TUT4: variants seen among roughly 807,000 people sequenced by gnomAD.
TUT4 encodes the protein terminal uridylyl transferase 4.
A neutral mutation model predicts 192.2 loss-of-function variants in TUT4; 36 were observed. That is an observed-to-expected ratio of 0.19 (90% CI 0.14 to 0.25). The LOEUF is 0.25. TUT4 is among the 10% of genes least tolerant of loss of function. The probability of loss-of-function intolerance (pLI) is 1.00; values close to 1 mark genes in which losing one functional copy is unlikely to be tolerated. For missense variants in TUT4, 1,493 were observed against 1,957.2 expected, an observed-to-expected ratio of 0.76 and a Z score of 4.47; for synonymous variants, 618 against 666.0, an observed-to-expected ratio of 0.93 and a Z score of 1.11.
intron 16 of TUT4, 118 bp downstream of exon 16, chr1:52,464,952 G>T: frequency 1.5e-6 from 1 of 672,268 alleles, no homozygotes; most frequent in Non-Finnish European, 2.3e-6. Context: ...CACTTATTTT[G>T]CTAATATATT....
intron 1 of TUT4, among the ~76,000 whole-genome samples, chr1:52,528,034 G>A (rs7513779): frequency 0.033 from 5,033 of 151,652 alleles, 184 homozygotes; most frequent in African/African-American, 0.094. Flanking sequence ...AAAATTAGCC[G>A]GGTACAGTGG....
At chr1:52,453,868 C>G (rs1302066602) in intron 20 of TUT4, among the ~76,000 whole-genome samples, 4 of 152,076 alleles carry the variant, frequency 2.6e-5, no homozygotes, top group Non-Finnish European at 5.9e-5. Flanking sequence ...CAAGAATAAG[C>G]AATTACAGCA....
chr1:52,447,425 G>A (rs1408104922), intron 20 of TUT4, among the ~76,000 whole-genome samples: 3 of 150,424 alleles, frequency 2.0e-5, no homozygotes, highest in Non-Finnish European at 1.5e-5. Flanking sequence ...CTCCAGCCTG[G>A]GCGACAGGGC....
Position 52,459,393 on chromosome 1 carries a change from A to G in TUT4, c.3322-944T>C, listed in dbSNP as rs185291082. Among the ~76,000 whole-genome samples the G allele has an allele frequency of 3.0e-3, 456 of 152,032 alleles. 8 individuals are homozygous for G. Among genetic ancestry groups the G allele is most frequent in the African/African-American group, 0.01 (417 of 41,456 alleles). On this transcript the variant is annotated intron_variant, in intron 19 of 29. Transcript: ENST00000257177. ...TGCTTGAGCCCAAGAGTTCAAGACC[A>G]GTCTGGGCAACATGGCGAAACCCCA... is the stretch of plus-strand genomic sequence containing the variant.
chr1:52,460,566 TC>T, intron 19 of TUT4, among the ~76,000 whole-genome samples: 1 of 152,074 alleles, frequency 6.6e-6, no homozygotes, highest in South Asian at 2.1e-4. Flanking sequence ...ACCAACTTTC[TC>T]CCCTACTAAA....
chr1:52,509,253 A>C (rs1676455417), intron 4 of TUT4, among the ~76,000 whole-genome samples: 1 of 152,230 alleles, frequency 6.6e-6, no homozygotes, highest in Admixed American at 6.5e-5. Flanking sequence ...GCATGCCCTC[A>C]TCAATTCTTA....
intron 24 of TUT4, among the ~76,000 whole-genome samples, chr1:52,441,377 G>A (rs1286180794): frequency 6.7e-6 from 1 of 149,178 alleles, no homozygotes; most frequent in African/African-American, 2.5e-5. Context: ...TCCGCCTCCC[G>A]GGTTCAAGCG....
At chr1:52,553,449 G>A (rs1347549821), upstream of TUT4, 1 of 151,902 alleles carries the variant, frequency 6.6e-6, no homozygotes, top group Non-Finnish European at 1.5e-5. Context: ...GCGGAGGGAA[G>A]GGAGCGCGCG....
intron 28 of TUT4, among the ~76,000 whole-genome samples, chr1:52,429,433 A>G (rs1055915526): frequency 6.6e-6 from 1 of 151,648 alleles, no homozygotes; most frequent in African/African-American, 2.4e-5. Flanking sequence ...GTAGTCCCAC[A>G]GCTACTCAGG....
chr1:52,455,521 A>G (rs1480661142), intron 20 of TUT4, among the ~76,000 whole-genome samples: 1 of 150,194 alleles, frequency 6.7e-6, no homozygotes, highest in Non-Finnish European at 1.5e-5. Flanking sequence ...AGGTGGGAGA[A>G]TCACCTTAGC....
chr1:52,553,346 G>A (rs886151313), upstream of TUT4: 2 of 150,842 alleles, frequency 1.3e-5, no homozygotes, highest in African/African-American at 4.9e-5. Flanking sequence ...GCGGGGGAGG[G>A]GGGAAACAGC....
rs1160208388 is a variant in TUT4 at position 52,425,378 on chromosome 1, A to T, written c.4841T>A (p.Phe1614Tyr). ...QNFMHQGNAR[F>Y]QPNKPFYTQD... is the part of the protein sequence containing the mutation. ...AGTATAGAAAGGTTTGTTGGGCTGG[A>T]ATCGGGCATTTCCCTGATGCATGAA... is the stretch of plus-strand genomic sequence containing the variant. Residue 1614 changes from phenylalanine (F) to tyrosine (Y), a missense_variant, in exon 29 of 30, where the codon TTC (phenylalanine) becomes TAC (tyrosine). Physicochemically the swap from Phe to Tyr is conservative, Grantham distance 22. Coordinates refer to ENST00000257177, the MANE Select transcript of TUT4 (RefSeq NM_001009881.3). 2 of 1,613,930 alleles carry T rather than the reference A, an allele frequency of 1.2e-6. No individual in the cohort carries two copies. The highest frequency in any genetic ancestry group is 1.7e-6 in the Non-Finnish European group (2 of 1,179,862).
chr1:52,521,672 C>CA (rs901605615), intron 2 of TUT4, among the ~76,000 whole-genome samples: 26 of 145,270 alleles, frequency 1.8e-4, no homozygotes, highest in Admixed American at 2.8e-4. Context: ...CAAAAAACAA[C>CA]AAAAAAAAGA....
At chr1:52,484,415 G>A (rs1239450880) in intron 9 of TUT4, among the ~76,000 whole-genome samples, 1 of 151,982 alleles carries the variant, frequency 6.6e-6, no homozygotes, top group Non-Finnish European at 1.5e-5. Context: ...AGGGACTTGA[G>A]CGTCCTCAAA....
At chr1:52,490,601 T>C (rs961849121) in intron 8 of TUT4, 131 bp downstream of exon 8, 4 of 620,312 alleles carry the variant, frequency 6.4e-6, no homozygotes, top group East Asian at 6.0e-5. Flanking sequence ...TTTTAATGAA[T>C]AGAAACTAGC....
At chr1:52,476,828 T>C (rs995963817) in intron 12 of TUT4, among the ~76,000 whole-genome samples, 5 of 152,218 alleles carry the variant, frequency 3.3e-5, no homozygotes, top group Non-Finnish European at 5.9e-5. Flanking sequence ...TGGAATAATA[T>C]GTAGGCTGAA....
At chr1:52,551,575 T>C (rs1418294266) in intron 1 of TUT4, among the ~76,000 whole-genome samples, 1 of 152,256 alleles carries the variant, frequency 6.6e-6, no homozygotes, top group East Asian at 1.9e-4. Context: ...GCACAGCTTT[T>C]TAAGAGAATC....
At chr1:52,440,700 T>C (rs1482392680) in intron 24 of TUT4, among the ~76,000 whole-genome samples, 2 of 152,140 alleles carry the variant, frequency 1.3e-5, no homozygotes, top group Admixed American at 1.3e-4. Flanking sequence ...CCGCCCCAGT[T>C]AGGGCGGCCT....
chr1:52,482,014 A>G, intron 9 of TUT4, 91 bp from the exon 10 acceptor site: 2 of 1,092,166 alleles, frequency 1.8e-6, no homozygotes, highest in African/African-American at 1.6e-5. Context: ...TAATCATTGT[A>G]AAAAGTTCAA....
Sources: gnomAD v4.1 joint callset for allele counts (sites outside exome capture counted in the v4.1 genomes callset) on GRCh38, gnomAD v4.1.1 for gene constraint, MANE v1.5 for transcripts, NCBI Gene and HGNC (gene_info 2026-07-23, HGNC 2026-07-21) for gene names.